EBF1: variants seen among roughly 807,000 people sequenced by gnomAD.
EBF1 encodes the protein transcription factor COE1.
EBF1 carries 10 observed loss-of-function variants against 68.4 expected under a neutral mutation model. The ratio of observed to expected loss-of-function variants is 0.15; its 90% CI spans 0.09 to 0.25. The LOEUF is 0.25. Among genes scored for constraint, EBF1 ranks in the 10% least tolerant of loss-of-function variants. EBF1 has a pLI of 1.00. For missense variants in EBF1, 509 were observed against 794.4 expected (o/e 0.64, Z 4.32); for synonymous variants, 298 against 299.8 (o/e 0.99, Z 0.06).
chr5:159,007,255 A>C (rs944707792), intron 6 of EBF1, among the ~76,000 whole-genome samples: 7 of 152,220 alleles, frequency 4.6e-5, no homozygotes, highest in African/African-American at 1.7e-4. Flanking sequence ...AGAGAAAAAA[A>C]GGGGACACAG....
chr5:158,844,594 ATAGT>A (rs1261123919), intron 6 of EBF1, among the ~76,000 whole-genome samples: 4 of 152,228 alleles, frequency 2.6e-5, no homozygotes, highest in Non-Finnish European at 2.9e-5. Context: ...CAATATTCAC[ATAGT>A]TAGTAATGAA....
intron 10 of EBF1, among the ~76,000 whole-genome samples, chr5:158,756,209 C>G (rs992570189): frequency 1.3e-5 from 2 of 152,080 alleles, no homozygotes; most frequent in African/African-American, 4.8e-5. Flanking sequence ...CACAGATCAA[C>G]TTTCCCAGCC....
intron 6 of EBF1, among the ~76,000 whole-genome samples, chr5:158,954,999 T>C (rs898541614): frequency 1.3e-5 from 2 of 152,230 alleles, no homozygotes; most frequent in Middle Eastern, 3.4e-3. Flanking sequence ...GCATTTTTTT[T>C]CCCCACCAAT....
intron 4 of EBF1, among the ~76,000 whole-genome samples, chr5:159,095,343 G>A (rs547689546): frequency 3.3e-5 from 5 of 152,276 alleles, no homozygotes; most frequent in African/African-American, 1.2e-4. Flanking sequence ...CGGGTCAGAG[G>A]AAATTCAGCC....
chr5:158,856,749 T>C (rs1287665243), intron 6 of EBF1, among the ~76,000 whole-genome samples: 1 of 152,210 alleles, frequency 6.6e-6, no homozygotes, highest in Admixed American at 6.5e-5. Flanking sequence ...GGAGATTTAG[T>C]AACTTGCCTG....
At chr5:159,070,631 T>C (rs62385438) in intron 6 of EBF1, among the ~76,000 whole-genome samples, 41,786 of 152,002 alleles carry the variant, frequency 0.27, 6,059 homozygotes, top group Non-Finnish European at 0.31. Context: ...ATAAAAATAG[T>C]AGTGTTCTCC....
intron 6 of EBF1, among the ~76,000 whole-genome samples, chr5:158,905,665 C>T (rs954379823): frequency 2.0e-5 from 3 of 152,156 alleles, no homozygotes; most frequent in Non-Finnish European, 4.4e-5. Flanking sequence ...TGCACAGGAG[C>T]AACATTTGTC....
intron 6 of EBF1, among the ~76,000 whole-genome samples, chr5:158,908,919 G>A (rs75386653): frequency 1.4e-4 from 21 of 152,156 alleles, no homozygotes; most frequent in African/African-American, 4.3e-4. Flanking sequence ...AAGCTGCTCC[G>A]CTTGCCATGC....
intron 10 of EBF1, among the ~76,000 whole-genome samples, chr5:158,745,232 CAG>C (rs1767289629): frequency 6.6e-6 from 1 of 152,114 alleles, no homozygotes; most frequent in Non-Finnish European, 1.5e-5. Context: ...GGTCTCCTGA[CAG>C]AGTGAACATT....
At chr5:158,932,146 T>C (rs116072179) in intron 6 of EBF1, among the ~76,000 whole-genome samples, 2,992 of 152,294 alleles carry the variant, frequency 0.02, 107 homozygotes, top group African/African-American at 0.068. Flanking sequence ...ATTCATATCC[T>C]TTGAGCCTGT....
At chr5:158,887,780 C>T (rs538131803) in intron 6 of EBF1, among the ~76,000 whole-genome samples, 31 of 152,198 alleles carry the variant, frequency 2.0e-4, no homozygotes, top group South Asian at 1.0e-3. Context: ...TTCTATTGCC[C>T]AGTAAGATTC....
intron 6 of EBF1, among the ~76,000 whole-genome samples, chr5:158,853,475 A>G (rs949801969): frequency 6.6e-6 from 1 of 152,252 alleles, no homozygotes; most frequent in African/African-American, 2.4e-5. Flanking sequence ...AAAATTCAAT[A>G]CATTTGAGAT....
intron 6 of EBF1, among the ~76,000 whole-genome samples, chr5:158,864,929 T>C (rs1400000475): frequency 6.6e-6 from 1 of 152,108 alleles, no homozygotes; most frequent in African/African-American, 2.4e-5. Context: ...AGATGGTCCT[T>C]CCCATATGAG....
At chr5:159,081,111 G>A (rs912684352) in intron 5 of EBF1, among the ~76,000 whole-genome samples, 1 of 152,142 alleles carries the variant, frequency 6.6e-6, no homozygotes, top group African/African-American at 2.4e-5. Context: ...CCCCTGAGTA[G>A]CTGGGAATAC....
chr5:158,977,431 A>G (rs1279185894), intron 6 of EBF1, among the ~76,000 whole-genome samples: 1 of 152,232 alleles, frequency 6.6e-6, no homozygotes, highest in Non-Finnish European at 1.5e-5. Context: ...TCTTTCAACA[A>G]ACTATGCAAT....
chr5:159,006,200 G>T (rs1163239065), intron 6 of EBF1, among the ~76,000 whole-genome samples: 3 of 152,152 alleles, frequency 2.0e-5, no homozygotes, highest in Non-Finnish European at 4.4e-5. Context: ...AACTGCATGT[G>T]TTCCCAGGAC....
chr5:158,919,806 C>A (rs1007462414), intron 6 of EBF1, among the ~76,000 whole-genome samples: 1 of 152,198 alleles, frequency 6.6e-6, no homozygotes, highest in Non-Finnish European at 1.5e-5. Flanking sequence ...CACGACGGTA[C>A]ATATTATTAT....
At chr5:158,801,388 A>G (rs1397835118) in intron 8 of EBF1, among the ~76,000 whole-genome samples, 2 of 152,120 alleles carry the variant, frequency 1.3e-5, no homozygotes, top group African/African-American at 2.4e-5. Context: ...TGATTGTTTT[A>G]TGAGTACCAT....
At chr5:158,724,921 A>G (rs1164242950) in intron 11 of EBF1, among the ~76,000 whole-genome samples, 1 of 152,230 alleles carries the variant, frequency 6.6e-6, no homozygotes, top group East Asian at 1.9e-4. Flanking sequence ...GACTATAAAC[A>G]TTCACTTTCA....
Sources: gnomAD v4.1 joint callset for allele counts (sites outside exome capture counted in the v4.1 genomes callset) on GRCh38, gnomAD v4.1.1 for gene constraint, MANE v1.5 for transcripts, NCBI Gene and HGNC (gene_info 2026-07-23, HGNC 2026-07-21) for gene names.